The following PDE1A variants were observed in gnomAD, a reference collection of about 807,000 sequenced individuals.
PDE1A encodes the protein dual specificity calcium/calmodulin-dependent 3',5'-cyclic nucleotide phosphodiesterase 1A.
PDE1A carries 35 observed loss-of-function variants against 61.7 expected under a neutral mutation model. The ratio of observed to expected loss-of-function variants is 0.57; its 90% CI spans 0.43 to 0.75. The LOEUF is 0.75. Ranked by LOEUF, PDE1A falls within the 30% of genes least tolerant of loss-of-function variation. PDE1A has a pLI of 0.00. For missense variants in PDE1A, 597 were observed against 630.6 expected, an observed-to-expected ratio of 0.95 and a Z score of 0.57; for synonymous variants, 232 against 213.2, an observed-to-expected ratio of 1.09 and a Z score of -0.77.
chr2:182,713,049 C>G, the PDE1A span, among the ~76,000 whole-genome samples: 1 of 152,076 alleles, frequency 6.6e-6, no homozygotes, highest in Non-Finnish European at 1.5e-5. Context: ...TCTTTTTGTT[C>G]CTTTAACACC....
rs752683449 is a variant in PDE1A at position 182,185,841 on chromosome 2, G to A, written c.1516+51C>T. Reference sequence around the variant, plus strand: ...GAAGAAGTAATCCAAACTCTTAGAGGAGAAGTGAAGACAGAGAGAGATGGC... The same window carrying A: ...GAAGAAGTAATCCAAACTCTTAGAGAAGAAGTGAAGACAGAGAGAGATGGC... On this transcript the variant is annotated intron_variant, in intron 13 of 13. Coordinates refer to ENST00000351439, the Ensembl canonical transcript of PDE1A. 16 of 1,610,722 alleles carry A rather than the reference G, an allele frequency of 9.9e-6. No homozygotes were observed. In the African/African-American group the frequency reaches 1.7e-4, roughly 17 times the overall value.
At chr2:182,474,137 A>G (rs1352206810) in intron 2 of PDE1A, among the ~76,000 whole-genome samples, 1 of 151,832 alleles carries the variant, frequency 6.6e-6, no homozygotes, top group African/African-American at 2.4e-5. Context: ...ATTCAATATA[A>G]ACATTTTTTG....
chr2:182,241,525 G>C (rs1864847), intron 2 of PDE1A, among the ~76,000 whole-genome samples: 109,224 of 152,090 alleles, frequency 0.72, 39,798 homozygotes, highest in African/African-American at 0.85. Context: ...TCTCCACAAA[G>C]AACTCAATCT....
At chr2:182,432,632 T>C (rs990347180) in intron 2 of PDE1A, among the ~76,000 whole-genome samples, 2 of 152,112 alleles carry the variant, frequency 1.3e-5, no homozygotes, top group Non-Finnish European at 2.9e-5. Context: ...CATCTTTTTA[T>C]ATAAATACAT....
the PDE1A span, among the ~76,000 whole-genome samples, chr2:182,553,605 T>C: frequency 6.6e-5 from 10 of 152,208 alleles, no homozygotes; most frequent in Non-Finnish European, 1.0e-4. Context: ...TGTGGAGATA[T>C]GATTACAGTT....
At chr2:182,186,546 G>A in exon 12 of PDE1A, 1 of 1,612,300 alleles carries the variant, frequency 6.2e-7, no homozygotes, top group Non-Finnish European at 8.5e-7. Context: ...TGTTGAGTCT[G>A]TCAGAAGAGA....
intron 2 of PDE1A, among the ~76,000 whole-genome samples, chr2:182,250,774 A>G (rs1427028383): frequency 1.3e-5 from 2 of 152,140 alleles, no homozygotes; most frequent in African/African-American, 4.8e-5. Flanking sequence ...AAGTAAGGAT[A>G]ATGTTGAAGT....
the PDE1A span, among the ~76,000 whole-genome samples, chr2:182,561,932 C>T: frequency 1.3e-5 from 2 of 152,050 alleles, no homozygotes; most frequent in Non-Finnish European, 2.9e-5. Flanking sequence ...GCTGAAGTTG[C>T]TTATCAGCTT....
the PDE1A span, among the ~76,000 whole-genome samples, chr2:182,582,218 T>TAA: frequency 6.6e-6 from 1 of 152,272 alleles, no homozygotes; most frequent in East Asian, 1.9e-4. Context: ...GTTGGAAATA[T>TAA]AAAGCAATGA....
intron 1 of PDE1A, among the ~76,000 whole-genome samples, chr2:182,402,131 T>A (rs1454299066): frequency 6.6e-6 from 1 of 152,150 alleles, no homozygotes; most frequent in Non-Finnish European, 1.5e-5. Flanking sequence ...GCTATCCCCA[T>A]CAAGCTACCA....
the PDE1A span, among the ~76,000 whole-genome samples, chr2:182,588,568 T>C: frequency 1.9e-4 from 29 of 152,334 alleles, no homozygotes; most frequent in African/African-American, 6.5e-4. Context: ...ATGACCCTTT[T>C]TCATATTATC....
chr2:182,224,605 C>G (rs1041579833), intron 6 of PDE1A, among the ~76,000 whole-genome samples: 1 of 151,710 alleles, frequency 6.6e-6, no homozygotes, highest in African/African-American at 2.4e-5. Flanking sequence ...CAGTTACTAA[C>G]TAGATGCTTT....
the PDE1A span, among the ~76,000 whole-genome samples, chr2:182,656,982 T>C: frequency 5.4e-4 from 82 of 152,270 alleles, no homozygotes; most frequent in African/African-American, 1.1e-3. Context: ...CCCAGCACTT[T>C]GGGAGGCCAA....
At chr2:182,504,947 G>A (rs1368063532) in intron 2 of PDE1A, among the ~76,000 whole-genome samples, 6 of 152,162 alleles carry the variant, frequency 3.9e-5, no homozygotes, top group Non-Finnish European at 8.8e-5. Context: ...GGACCCATGC[G>A]AAGAGTCTTC....
the PDE1A span, among the ~76,000 whole-genome samples, chr2:182,567,931 T>G: frequency 4.5e-4 from 68 of 151,938 alleles, no homozygotes; most frequent in African/African-American, 1.5e-3. Flanking sequence ...TAGCTGGGAT[T>G]AGAGGCGCCC....
At chr2:182,567,846 G>A in the PDE1A span, among the ~76,000 whole-genome samples, 3 of 142,442 alleles carry the variant, frequency 2.1e-5, no homozygotes, top group African/African-American at 7.9e-5. Context: ...GGACTGGTGT[G>A]CAGTGGCATG....
chr2:182,602,992 C>CATACATACAT, the PDE1A span, among the ~76,000 whole-genome samples: 128 of 130,490 alleles, frequency 9.8e-4, 1 homozygote, highest in South Asian at 3.6e-3. Context: ...CACACACACA[C>CATACATACAT]ACATACATAC....
chr2:182,258,645 CT>C (rs1190033973), intron 2 of PDE1A, among the ~76,000 whole-genome samples: 1 of 152,092 alleles, frequency 6.6e-6, no homozygotes, highest in Admixed American at 6.5e-5. Context: ...ACCTTTAGTC[CT>C]CTTGTTAGAA....
chr2:182,491,529 T>C (rs1688394627), intron 2 of PDE1A, among the ~76,000 whole-genome samples: 1 of 152,178 alleles, frequency 6.6e-6, no homozygotes, highest in African/African-American at 2.4e-5. Flanking sequence ...GAGGCAGTGA[T>C]GGAAAAGTTG....
Sources: gnomAD v4.1 joint callset for allele counts (sites outside exome capture counted in the v4.1 genomes callset) on GRCh38, gnomAD v4.1.1 for gene constraint, MANE v1.5 for transcripts, NCBI Gene and HGNC (gene_info 2026-07-23, HGNC 2026-07-21) for gene names.